The following RBFOX1 variants were observed in gnomAD, a reference collection of about 807,000 sequenced individuals.
The protein encoded by RBFOX1 is RNA binding protein fox-1 homolog 1.
RBFOX1 carries 8 observed loss-of-function variants against 57.7 expected under a neutral mutation model. The ratio of observed to expected loss-of-function variants is 0.14; its 90% CI spans 0.08 to 0.25. The LOEUF is 0.25. Ranked by LOEUF, RBFOX1 falls within the 10% of genes least tolerant of loss-of-function variation. RBFOX1 has a pLI of 1.00. For missense variants in RBFOX1, 611 were observed against 548.5 expected (o/e 1.11, Z -1.14); for synonymous variants, 326 against 222.4 (o/e 1.47, Z -4.15).
intron 2 of RBFOX1, among the ~76,000 whole-genome samples, chr16:6,404,860 C>T (rs2093217865): frequency 6.6e-6 from 1 of 152,198 alleles, no homozygotes; most frequent in African/African-American, 2.4e-5. Context: ...TCCTGGAATA[C>T]TTAAACCTTC....
At chr16:7,233,313 A>G (rs1250964053) in intron 4 of RBFOX1, among the ~76,000 whole-genome samples, 4 of 150,380 alleles carry the variant, frequency 2.7e-5, no homozygotes, top group Non-Finnish European at 3.0e-5. Flanking sequence ...GACCTTTTCT[A>G]TTTAAAAGAA....
intron 1 of RBFOX1, among the ~76,000 whole-genome samples, chr16:6,291,092 T>A (rs2077421384): frequency 6.6e-6 from 1 of 152,224 alleles, no homozygotes; most frequent in Non-Finnish European, 1.5e-5. Context: ...GTCATGGCAC[T>A]GCTGGGAGTA....
chr16:6,998,130 T>C (rs982872610), intron 3 of RBFOX1, among the ~76,000 whole-genome samples: 6 of 152,118 alleles, frequency 3.9e-5, no homozygotes, highest in Admixed American at 3.3e-4. Flanking sequence ...AGTATATAAT[T>C]ATCTATTTAT....
chr16:5,578,870 G>A (rs1371279691), intron 2 of RBFOX1, among the ~76,000 whole-genome samples: 1 of 127,442 alleles, frequency 7.8e-6, no homozygotes, highest in Non-Finnish European at 1.6e-5. Flanking sequence ...TTTTTTTTGA[G>A]AGAGTCTCAC....
chr16:6,127,195 G>A (rs2096596030), intron 1 of RBFOX1, among the ~76,000 whole-genome samples: 2 of 151,972 alleles, frequency 1.3e-5, no homozygotes, highest in South Asian at 4.2e-4. Context: ...GTAATGAGGA[G>A]GACTGCCCTA....
chr16:6,790,894 T>G (rs2082809405), intron 3 of RBFOX1, among the ~76,000 whole-genome samples: 1 of 152,086 alleles, frequency 6.6e-6, no homozygotes, highest in Non-Finnish European at 1.5e-5. Context: ...TTTGTGTGGT[T>G]TATTTTTTCC....
chr16:7,667,545 C>G (rs1368428095), intron 13 of RBFOX1, among the ~76,000 whole-genome samples: 1 of 152,134 alleles, frequency 6.6e-6, no homozygotes, highest in Non-Finnish European at 1.5e-5. Context: ...TGAGCTTCTA[C>G]TTTAAAGAAA....
chr16:7,545,043 A>G (rs900984689), intron 5 of RBFOX1, among the ~76,000 whole-genome samples: 3 of 152,218 alleles, frequency 2.0e-5, no homozygotes, highest in African/African-American at 7.2e-5. Context: ...AATTGCATCA[A>G]ACAGTGTCTA....
At chr16:7,281,992 A>G (rs1035905106) in intron 4 of RBFOX1, among the ~76,000 whole-genome samples, 6 of 152,044 alleles carry the variant, frequency 3.9e-5, no homozygotes, top group African/African-American at 1.4e-4. Context: ...CAGCGTCCGG[A>G]GTAGCTGGGA....
chr16:5,400,984 A>G (rs1165487978), intron 1 of RBFOX1, among the ~76,000 whole-genome samples: 1 of 152,094 alleles, frequency 6.6e-6, no homozygotes, highest in Non-Finnish European at 1.5e-5. Context: ...GTTACTCCTA[A>G]TATGTCATAG....
At chr16:5,824,369 C>A (rs1001355757) in intron 3 of RBFOX1, among the ~76,000 whole-genome samples, 4 of 152,126 alleles carry the variant, frequency 2.6e-5, no homozygotes, top group Non-Finnish European at 4.4e-5. Flanking sequence ...TGTCTGTCTC[C>A]CTCCTTGACA....
chr16:6,943,765 C>A (rs1014846657), intron 3 of RBFOX1, among the ~76,000 whole-genome samples: 2 of 151,770 alleles, frequency 1.3e-5, no homozygotes, highest in Non-Finnish European at 2.9e-5. Context: ...TTGGCCAATC[C>A]CAGCAGCTGA....
At chr16:7,414,219 G>A (rs548730987) in intron 4 of RBFOX1, among the ~76,000 whole-genome samples, 2 of 152,164 alleles carry the variant, frequency 1.3e-5, no homozygotes, top group African/African-American at 2.4e-5. Flanking sequence ...CAGGTGGTAG[G>A]GATACAGAAA....
At chr16:5,795,362 G>C (rs1182018439) in intron 3 of RBFOX1, among the ~76,000 whole-genome samples, 1 of 151,918 alleles carries the variant, frequency 6.6e-6, no homozygotes. Flanking sequence ...GGAGTGCAGT[G>C]GCGAGATCAT....
At chr16:5,392,132 G>C (rs994334846) in intron 1 of RBFOX1, among the ~76,000 whole-genome samples, 5 of 152,048 alleles carry the variant, frequency 3.3e-5, no homozygotes, top group Non-Finnish European at 7.4e-5. Flanking sequence ...GACTCAGGGG[G>C]AAAGGATGGG....
chr16:7,185,660 G>C (rs1327200606), intron 4 of RBFOX1, among the ~76,000 whole-genome samples: 1 of 152,196 alleles, frequency 6.6e-6, no homozygotes, highest in Non-Finnish European at 1.5e-5. Flanking sequence ...TTAGTTTGCG[G>C]AGATAGGCCT....
At chr16:6,700,598 C>T (rs1045889792) in intron 3 of RBFOX1, among the ~76,000 whole-genome samples, 2 of 152,060 alleles carry the variant, frequency 1.3e-5, no homozygotes, top group Non-Finnish European at 2.9e-5. Context: ...GCAGAGGTTG[C>T]AGTGAGCTGA....
chr16:6,730,850 T>G (rs2068386771), intron 3 of RBFOX1, among the ~76,000 whole-genome samples: 1 of 152,196 alleles, frequency 6.6e-6, no homozygotes, highest in Admixed American at 6.5e-5. Flanking sequence ...GGGACTGTAC[T>G]AAAGATTCCC....
At chr16:6,710,642 T>C (rs564232226) in intron 3 of RBFOX1, among the ~76,000 whole-genome samples, 2 of 152,286 alleles carry the variant, frequency 1.3e-5, no homozygotes, top group South Asian at 2.1e-4. Flanking sequence ...GGAAGAAAAA[T>C]TGTCTCAAGT....
Sources: gnomAD v4.1 joint callset for allele counts (sites outside exome capture counted in the v4.1 genomes callset) on GRCh38, gnomAD v4.1.1 for gene constraint, MANE v1.5 for transcripts, NCBI Gene and HGNC (gene_info 2026-07-23, HGNC 2026-07-21) for gene names.